PHACTR2: variants seen among roughly 807,000 people sequenced by gnomAD.
PHACTR2 encodes the protein chromosome 6 open reading frame 56.
Under a neutral mutation model 76.0 loss-of-function variants are expected in PHACTR2, and 30 were observed. The observed-to-expected ratio is 0.39, with a 90% CI of 0.30 to 0.54. PHACTR2 has a LOEUF of 0.54. Ranked by LOEUF, PHACTR2 falls within the 20% of genes least tolerant of loss-of-function variation. The probability of loss-of-function intolerance (pLI) is 0.61; values close to 1 mark genes in which losing one functional copy is unlikely to be tolerated. For synonymous variants in PHACTR2, 292 were observed against 292.5 expected, an observed-to-expected ratio of 1.00 and a Z score of 0.02; for missense variants, 696 against 781.1, an observed-to-expected ratio of 0.89 and a Z score of 1.30.
chr6:143,647,571 T>TG lies in PHACTR2; in HGVS notation c.13+39254dup, dbSNP rs1473945330. 6.6e-6 allele frequency among the ~76,000 whole-genome samples: 1 copy of TG among 152,134 alleles called. No homozygotes were observed. Among genetic ancestry groups the TG allele is most frequent in the African/African-American group, 2.4e-5 (1 of 41,438 alleles). ...CAGTGCTTAATTTAGTTAAGTGAGA[T>TG]GGGGGCGGGAAAGAAGAGAAAATAG... On this transcript the variant is annotated intron_variant, in intron 1 of 11. Transcript: ENST00000305766. This position sits in a 1 kb window ranked among gnomAD's most constrained non-coding sequence, Gnocchi z 4.2.
Position 143,783,269 on chromosome 6 carries a change from C to A in PHACTR2, c.1696C>A (p.Leu566Ile). Residue 566 changes from leucine to isoleucine, a missense_variant, in exon 10 of 13, where the codon CTC becomes ATC. Leu to Ile is a conservative substitution (Grantham distance 5). Around this residue, in one of 2 missense-constraint regions of PHACTR2, gnomAD observed 236 missense variants for 330.2 expected, o/e 0.71. Transcript: ENST00000440869. This position sits in a 1 kb window ranked among gnomAD's most constrained non-coding sequence, Gnocchi z 5.2. ...AGCAAAAATGGAACTTAAACGCAGA[C>A]TCAGCAGAAAGGTAATGAAATCATA... Reference protein sequence around the residue: ...QEAKMELKRRLSRKLSLRPTV... With the variant: ...QEAKMELKRRISRKLSLRPTV... 6.2e-7 allele frequency: 1 copy of A among 1,603,432 alleles called. No individual in the cohort carries two copies. Among genetic ancestry groups the A allele is most frequent in the Non-Finnish European group, 8.5e-7 (1 of 1,170,952 alleles).
At chr6:143,704,117 G>A (rs912838781) in intron 1 of PHACTR2, among the ~76,000 whole-genome samples, 1 of 152,028 alleles carries the variant, frequency 6.6e-6, no homozygotes, top group African/African-American at 2.4e-5. Flanking sequence ...GTGTGTGTGT[G>A]TGTGTGGTGG....
Position 143,738,628 on chromosome 6 carries a change from T to C in PHACTR2, c.215-10357T>C, listed in dbSNP as rs1032556238. On this transcript the variant is annotated intron_variant, in intron 2 of 12. Coordinates refer to ENST00000440869, the MANE Select transcript of PHACTR2 (RefSeq NM_001100164.2). This position sits in a 1 kb window ranked among gnomAD's most constrained non-coding sequence, Gnocchi z 4.0. ...AAAATTAGCTGGGCATGGTGGTGCA[T>C]GCCTGTAGTCCCAGCTACTTAGGAG... is the stretch of plus-strand genomic sequence containing the variant. Among the ~76,000 whole-genome samples the C allele has an allele frequency of 6.6e-6, 1 of 151,520 alleles. No individual in the cohort carries two copies. The highest frequency in any genetic ancestry group is 1.5e-5 in the Non-Finnish European group (1 of 67,888).
At chr6:143,715,094 A>C (rs543945417) in intron 2 of PHACTR2, among the ~76,000 whole-genome samples, 50 of 152,122 alleles carry the variant, frequency 3.3e-4, no homozygotes, top group African/African-American at 1.1e-3. Context: ...TTCCCACTGC[A>C]ATCTATCTCT....
chr6:143,680,439 C>A lies in PHACTR2; in HGVS notation c.46+2230C>A, dbSNP rs1333254931. The stretch of plus-strand genomic sequence containing the variant: ...CTGTTTAAGTCAAAGGAATCAATAG[C>A]ACAGAGTTTAATTATTCATACTTAT... On this transcript the variant is annotated intron_variant, in intron 1 of 12. Coordinates refer to ENST00000440869, the MANE Select transcript of PHACTR2 (RefSeq NM_001100164.2). The surrounding 1 kb of genome is among the most constrained non-coding windows in gnomAD (Gnocchi z 4.5). 6.6e-6 allele frequency among the ~76,000 whole-genome samples: 1 copy of A among 152,130 alleles called. No homozygotes were observed. Among genetic ancestry groups the A allele is most frequent in the East Asian group, 1.9e-4 (1 of 5,198 alleles).
rs1776484531 is a variant in PHACTR2 at position 143,823,990 on chromosome 6, C to G, written c.*301C>G. On this transcript the variant is annotated 3_prime_UTR_variant, in exon 13 of 13. Transcript: ENST00000440869. The surrounding 1 kb of genome is among the most constrained non-coding windows in gnomAD (Gnocchi z 5.7). ...AAAGAAGATGAGCAGAAGACAATCACTGGCTCCCTGTTACCAGAAAGCCAA... is the reference window on the plus strand; with the variant it reads ...AAAGAAGATGAGCAGAAGACAATCAGTGGCTCCCTGTTACCAGAAAGCCAA... 7.3e-6 allele frequency: 2 copies of G among 275,150 alleles called. No individual in the cohort carries two copies. The highest frequency in any genetic ancestry group is 1.4e-5 in the Non-Finnish European group (2 of 147,998). The allele number at this position is 275,150 out of a possible 1,614,324, so 17.0% of individuals were successfully genotyped here.
chr6:143,734,175 C>T (rs1778767878), intron 2 of PHACTR2, among the ~76,000 whole-genome samples: 1 of 152,108 alleles, frequency 6.6e-6, no homozygotes, highest in Non-Finnish European at 1.5e-5. Context: ...TGAGTGCTAA[C>T]TTTTTGTGCA....
In PHACTR2 at chr6:143,537,218, C is replaced by A; in HGVS notation, c.217+11C>A. The A allele has an allele frequency of 4.2e-6, 1 of 238,182 alleles. No individual in the cohort carries two copies. The highest frequency in any genetic ancestry group is 6.6e-5 in the South Asian group (1 of 15,038). 14.8% of individuals were successfully genotyped at this position (238,182 alleles called of 1,614,324 possible). ...ACATCTCCGGCTCAGGTAAGAGCGG[C>A]TCGGGGCGCGGGCCGGGGAGGGCCG... On this transcript the variant is annotated intron_variant, in intron 1 of 11. Transcript: ENST00000367584. The surrounding 1 kb of genome is among the most constrained non-coding windows in gnomAD (Gnocchi z 4.4).
At position 143,608,912 on chromosome 6, in the gene PHACTR2, G is replaced by A. The variant is rs1775933170; in HGVS notation, c.13+590G>A. Among the ~76,000 whole-genome samples the A allele has an allele frequency of 6.6e-6, 1 of 152,150 alleles. No homozygotes were observed. The highest frequency in any genetic ancestry group is 1.5e-5 in the Non-Finnish European group (1 of 68,032). The stretch of plus-strand genomic sequence containing the variant: ...TTGATAACTAGACAAACAGATGATT[G>A]AAGTATGTTAATGTCAATTAAATAA... On this transcript the variant is annotated intron_variant, in intron 1 of 11. Coordinates refer to the PHACTR2 transcript ENST00000305766. This position sits in a 1 kb window ranked among gnomAD's most constrained non-coding sequence, Gnocchi z 4.6.
In PHACTR2 at chr6:143,761,806, A is replaced by G. The variant is rs1190895143; in HGVS notation, c.694+1166A>G. Among the ~76,000 whole-genome samples the G allele has an allele frequency of 6.6e-6, 1 of 152,152 alleles. No homozygotes were observed. Among genetic ancestry groups the G allele is most frequent in the African/African-American group, 2.4e-5 (1 of 41,430 alleles). ...ATCAACAGCAACTTTCTAGCAGTTG[A>G]CTGTCAGGATTTGCCTTGGTGTTGA... On this transcript the variant is annotated intron_variant, in intron 5 of 12. Coordinates refer to ENST00000440869, the MANE Select transcript of PHACTR2 (RefSeq NM_001100164.2). The surrounding 1 kb of genome is among the most constrained non-coding windows in gnomAD (Gnocchi z 5.2).
In PHACTR2 at chr6:143,597,839, C is replaced by A. The variant is rs1452836727; in HGVS notation, c.217+60632C>A. Among the ~76,000 whole-genome samples the A allele has an allele frequency of 6.6e-6, 1 of 152,164 alleles. No individual in the cohort carries two copies. The highest frequency in any genetic ancestry group is 1.9e-4 in the East Asian group (1 of 5,194). On this transcript the variant is annotated intron_variant, in intron 1 of 11. Coordinates refer to the PHACTR2 transcript ENST00000367584. This position sits in a 1 kb window ranked among gnomAD's most constrained non-coding sequence, Gnocchi z 5.7. ...TTTTATAATTTCGCTACCATTTTAT[C>A]CTGAGAAATTCTCTTTCATTACCTG...
Position 143,749,044 on chromosome 6 carries a change from C to A in PHACTR2, c.274C>A (p.Leu92Ile). ...AGAGGAGCTGATAAGAAGGGGAGTG[C>A]TTAAGGAATTGCCTGATCAAGGTGA... ...SREELIRRGV[L>I]KELPDQDGDV... is the part of the protein sequence containing the mutation. Residue 92 changes from leucine (L) to isoleucine (I), a missense_variant, in exon 3 of 13, where the codon CTT (leucine) becomes ATT (isoleucine). Coordinates refer to ENST00000440869, the MANE Select transcript of PHACTR2 (RefSeq NM_001100164.2). 6.4e-7 allele frequency: 1 copy of A among 1,574,038 alleles called. No individual in the cohort carries two copies. The highest frequency in any genetic ancestry group is 8.7e-7 in the Non-Finnish European group (1 of 1,143,706).
chr6:143,669,024 C>T (rs1316421888), intron 1 of PHACTR2, among the ~76,000 whole-genome samples: 1 of 152,148 alleles, frequency 6.6e-6, no homozygotes, highest in East Asian at 1.9e-4. Context: ...ATAAATTTCC[C>T]TCTACACACT....
chr6:143,576,684 C>G lies in PHACTR2; in HGVS notation c.217+39477C>G, dbSNP rs530031732. Reference sequence around the variant, plus strand: ...TTGAGGTCAGGAGTTCGAGACCAGCCTGGCCAACATGGCAAAACCCCATCT... The same window carrying G: ...TTGAGGTCAGGAGTTCGAGACCAGCGTGGCCAACATGGCAAAACCCCATCT... On this transcript the variant is annotated intron_variant, in intron 1 of 11. Coordinates refer to the PHACTR2 transcript ENST00000367584. Among the ~76,000 whole-genome samples, 555 of 152,076 alleles carry G rather than the reference C, an allele frequency of 3.6e-3. 5 individuals are homozygous for G. Among genetic ancestry groups the G allele is most frequent in the African/African-American group, 0.013 (538 of 41,448 alleles).
At position 143,688,519 on chromosome 6, in the gene PHACTR2, G is replaced by T. The variant is rs957625254; in HGVS notation, c.46+10310G>T. 4.6e-5 allele frequency among the ~76,000 whole-genome samples: 7 copies of T among 152,284 alleles called. No individual in the cohort carries two copies. Among genetic ancestry groups the T allele is most frequent in the Admixed American group, 3.3e-4 (5 of 15,296 alleles). ...CCCAGAGGTAACATAAGTCTATACA[G>T]AAGGTTTGATTTTGTCCTCCAAGCC... On this transcript the variant is annotated intron_variant, in intron 1 of 12. Coordinates refer to ENST00000440869, the MANE Select transcript of PHACTR2 (RefSeq NM_001100164.2). This position sits in a 1 kb window ranked among gnomAD's most constrained non-coding sequence, Gnocchi z 5.2.
intron 2 of PHACTR2, among the ~76,000 whole-genome samples, chr6:143,746,080 A>C (rs971020217): frequency 6.6e-6 from 1 of 152,212 alleles, no homozygotes; most frequent in Non-Finnish European, 1.5e-5. Flanking sequence ...AGGCTATCGG[A>C]TGATTTTTTA....
At chr6:143,605,386 T>C (rs190390341), upstream of PHACTR2, among the ~76,000 whole-genome samples, 323 of 152,362 alleles carry the variant, frequency 2.1e-3, 1 homozygote, top group Middle Eastern at 6.8e-3. This position sits in a 1 kb window ranked among gnomAD's most constrained non-coding sequence, Gnocchi z 5.0. Flanking sequence ...GGAAAGGGCC[T>C]GGTGAACATT....
In PHACTR2 at chr6:143,664,917, G is replaced by T. The variant is rs1202846308; in HGVS notation, c.14-47099G>T. 6.6e-6 allele frequency among the ~76,000 whole-genome samples: 1 copy of T among 152,008 alleles called. No individual in the cohort carries two copies. Among genetic ancestry groups the T allele is most frequent in the Non-Finnish European group, 1.5e-5 (1 of 68,008 alleles). ...TGGTTCAAGTGATTCCCCTGACTCG[G>T]CCTCCCAAGTAGCTGGCATTACAGG... On this transcript the variant is annotated intron_variant, in intron 1 of 11. Coordinates refer to the PHACTR2 transcript ENST00000305766. This position sits in a 1 kb window ranked among gnomAD's most constrained non-coding sequence, Gnocchi z 5.1.
At chr6:143,745,258 A>G (rs1245151553) in intron 2 of PHACTR2, among the ~76,000 whole-genome samples, 2 of 152,188 alleles carry the variant, frequency 1.3e-5, no homozygotes, top group Admixed American at 6.5e-5. Context: ...CCTGGAGCCG[A>G]CTGCTGCCGT....
Sources: gnomAD v4.1 joint callset for allele counts (sites outside exome capture counted in the v4.1 genomes callset) on GRCh38, gnomAD v4.1.1 for gene constraint, gnomAD v4.1.1 regional missense constraint, Gnocchi (gnomAD v3.1) non-coding constraint, MANE v1.5 for transcripts, NCBI Gene and HGNC (gene_info 2026-07-23, HGNC 2026-07-21) for gene names.